Variants in NAALADL2 observed in about 807,000 individuals in gnomAD.
NAALADL2 encodes N-acetylated alpha-linked acidic dipeptidase like 2, also known as inactive N-acetylated-alpha-linked acidic dipeptidase-like protein 2.
A neutral mutation model predicts 87.2 loss-of-function variants in NAALADL2; 76 were observed. That is an observed-to-expected ratio of 0.87 (90% confidence interval 0.72 to 1.05). NAALADL2 has a LOEUF of 1.05. NAALADL2 is among the 50% of genes least tolerant of loss of function. The pLI is 0.00. For synonymous variants in NAALADL2, 354 were observed against 331.0 expected (o/e 1.07, Z -0.75); for missense variants, 1,089 against 945.8 (o/e 1.15, Z -1.99).
intron 3 of NAALADL2, among the ~76,000 whole-genome samples, chr3:174,853,768 A>G (rs112040829): frequency 0.019 from 2,957 of 152,318 alleles, 102 homozygotes; most frequent in African/African-American, 0.068. Flanking sequence ...GCCAATAGGT[A>G]TATGAAAAAA....
In NAALADL2 at chr3:175,256,486, C is replaced by A. The variant is rs774728804; in HGVS notation, c.895C>A (p.Gln299Lys). 6.2e-7 allele frequency: 1 copy of A among 1,612,804 alleles called. No homozygotes were observed. The highest frequency in any genetic ancestry group is 8.5e-7 in the Non-Finnish European group (1 of 1,179,308). The change falls in exon 4 of 14, where the codon CAG becomes AAG. Residue 299 changes from glutamine to lysine, a missense_variant. Gln to Lys is a moderately conservative substitution (Grantham distance 53). Coordinates refer to ENST00000454872, the MANE Select transcript of NAALADL2 (RefSeq NM_207015.3). ...RIRKIKNVTN[Q>K]IALLKLGKLP... ...TAGGAAAATAAAAAACGTAACAAAT[C>A]AGATCGCACTCCTGAAATTAGGAAA...
rs139812393 is a variant in NAALADL2 at position 175,511,440 on chromosome 3, A to G, written c.1653+39682A>G. On this transcript the variant is annotated intron_variant, in intron 9 of 13. Transcript: ENST00000454872. ...ACATACAAAGAAAGAACAGGGATGC[A>G]CATGCACAAAGGAAGGGCCACGTGG... Among the ~76,000 whole-genome samples, 5 of 152,336 alleles carry G rather than the reference A, an allele frequency of 3.3e-5. No individual in the cohort carries two copies. In the East Asian group the frequency reaches 9.6e-4, roughly 29 times the overall value.
intron 1 of NAALADL2, among the ~76,000 whole-genome samples, chr3:174,442,102 G>T (rs1286724008): frequency 6.6e-6 from 1 of 152,088 alleles, no homozygotes; most frequent in African/African-American, 2.4e-5. Flanking sequence ...ATTTGGTAAC[G>T]GTTCTTTGTC....
At chr3:175,744,633 T>C (rs1561073739) in intron 12 of NAALADL2, among the ~76,000 whole-genome samples, 1 of 152,254 alleles carries the variant, frequency 6.6e-6, no homozygotes, top group African/African-American at 2.4e-5. Flanking sequence ...TTTTTGTGAC[T>C]TAAAATAATC....
chr3:175,308,427 TA>T (rs1757966163), intron 4 of NAALADL2, among the ~76,000 whole-genome samples: 1 of 151,976 alleles, frequency 6.6e-6, no homozygotes, highest in Non-Finnish European at 1.5e-5. Flanking sequence ...GGAAAGGAGG[TA>T]GGGGGTTGCG....
At chr3:175,480,772 C>A (rs1213065540) in intron 9 of NAALADL2, among the ~76,000 whole-genome samples, 3 of 151,802 alleles carry the variant, frequency 2.0e-5, no homozygotes, top group Non-Finnish European at 2.9e-5. Context: ...ATAAGGTGGG[C>A]TGCTGCTCTA....
intron 2 of NAALADL2, among the ~76,000 whole-genome samples, chr3:175,141,017 TAGA>T (rs1239101140): frequency 6.6e-6 from 1 of 152,110 alleles, no homozygotes; most frequent in Non-Finnish European, 1.5e-5. Context: ...TATGGGATTG[TAGA>T]AGGATTTCAA....
chr3:175,283,046 C>T (rs1754509960), intron 4 of NAALADL2, among the ~76,000 whole-genome samples: 1 of 151,692 alleles, frequency 6.6e-6, no homozygotes, highest in African/African-American at 2.4e-5. Flanking sequence ...AAATCAGGAC[C>T]ATATAGTATT....
chr3:175,377,454 A>G (rs1443985327), intron 5 of NAALADL2, among the ~76,000 whole-genome samples: 2 of 151,976 alleles, frequency 1.3e-5, no homozygotes, highest in Admixed American at 6.6e-5. Flanking sequence ...TCACATCTCT[A>G]CTATTTTTGC....
chr3:174,932,479 T>C (rs931384634), intron 1 of NAALADL2, among the ~76,000 whole-genome samples: 1 of 152,204 alleles, frequency 6.6e-6, no homozygotes, highest in Non-Finnish European at 1.5e-5. Context: ...CATAAAGATA[T>C]GTTCACAGGT....
chr3:175,436,222 T>C (rs1396179355), intron 5 of NAALADL2, among the ~76,000 whole-genome samples: 1 of 142,756 alleles, frequency 7.0e-6, no homozygotes, highest in Non-Finnish European at 1.5e-5. Flanking sequence ...GGTGTATATG[T>C]GCCACATTTT....
chr3:174,700,475 C>T (rs575259312), intron 2 of NAALADL2, among the ~76,000 whole-genome samples: 3 of 152,116 alleles, frequency 2.0e-5, no homozygotes, highest in Admixed American at 2.0e-4. Context: ...GTATAACGCT[C>T]TCCATGGAAC....
intron 1 of NAALADL2, among the ~76,000 whole-genome samples, chr3:175,049,365 C>A (rs1210953665): frequency 1.3e-5 from 2 of 152,108 alleles, no homozygotes; most frequent in African/African-American, 4.8e-5. Context: ...TAACATTTGA[C>A]CCGACTGTAG....
At chr3:174,879,345 T>C (rs1728906382) in intron 1 of NAALADL2, among the ~76,000 whole-genome samples, 1 of 152,096 alleles carries the variant, frequency 6.6e-6, no homozygotes, top group African/African-American at 2.4e-5. Flanking sequence ...CCCTTCATTG[T>C]AGATTGGCAC....
intron 11 of NAALADL2, among the ~76,000 whole-genome samples, chr3:175,680,073 G>C (rs1003095949): frequency 4.6e-5 from 7 of 152,116 alleles, no homozygotes; most frequent in African/African-American, 2.4e-5. Context: ...TGAGAGCTTT[G>C]AATAACTCAG....
chr3:174,853,201 C>CA (rs34303846), intron 3 of NAALADL2, among the ~76,000 whole-genome samples: 749 of 45,596 alleles, frequency 0.016, 55 homozygotes, highest in East Asian at 0.027. Flanking sequence ...CCGTCTCTAC[C>CA]AAAAAAAAAA....
chr3:175,786,772 G>T (rs1252077154), intron 13 of NAALADL2, among the ~76,000 whole-genome samples: 1 of 151,490 alleles, frequency 6.6e-6, no homozygotes, highest in Non-Finnish European at 1.5e-5. Context: ...GGAGGAGGAG[G>T]AGGAGGAGAG....
chr3:175,667,222 A>AGAAG (rs1491349361), intron 11 of NAALADL2, among the ~76,000 whole-genome samples: 1 of 126,184 alleles, frequency 7.9e-6, no homozygotes, highest in Non-Finnish European at 1.5e-5. Context: ...AAAGAAAGAA[A>AGAAG]GAAAGAAAGA....
At chr3:175,559,594 A>G (rs952791581) in intron 9 of NAALADL2, among the ~76,000 whole-genome samples, 1 of 151,996 alleles carries the variant, frequency 6.6e-6, no homozygotes, top group Non-Finnish European at 1.5e-5. Context: ...TATGGCTTTT[A>G]TTATGTTGAG....
Sources: allele counts gnomAD v4.1 joint callset (sites outside exome capture counted in the v4.1 genomes callset), GRCh38; gene constraint gnomAD v4.1.1; transcripts MANE v1.5; gene names NCBI Gene and HGNC (gene_info 2026-07-23, HGNC 2026-07-21).